Variants in C3 observed in about 807,000 individuals in gnomAD.
C3 encodes complement C3.
A neutral mutation model predicts 207.9 loss-of-function variants in C3; 97 were observed. The observed-to-expected ratio is 0.47, with a 90% CI of 0.40 to 0.55. The LOEUF (loss-of-function observed/expected upper bound fraction) is 0.55. Among genes scored for constraint, C3 ranks in the 20% least tolerant of loss-of-function variants. C3 has a pLI of 0.00. For missense variants in C3, 1,684 were observed against 2,171.7 expected, an observed-to-expected ratio of 0.78 and a Z score of 4.46; for synonymous variants, 848 against 857.6, an observed-to-expected ratio of 0.99 and a Z score of 0.20.
intron 11 of C3, 30 bp downstream of exon 11, chr19:6,712,227 A>G: frequency 6.2e-7 from 1 of 1,612,572 alleles, no homozygotes; most frequent in Non-Finnish European, 8.5e-7. Context: ...CTTCCCAGTG[A>G]TGGGGTTCCG....
At chr19:6,715,847 G>C (rs1318835583) in intron 4 of C3, among the ~76,000 whole-genome samples, 2 of 151,888 alleles carry the variant, frequency 1.3e-5, no homozygotes, top group Non-Finnish European at 2.9e-5. Context: ...GGATGGTCTC[G>C]ATCTCCTGAC....
Position 6,717,534 on chromosome 19 carries a change from GTGT to G in C3, c.504+557_504+559del, listed in dbSNP as rs555462376. ...GTGGTCGTGTATGTTGTGTGGTTGT[GTGT>G]TGTGTGGTTGTGTATGTTGTGTGTG... On this transcript the variant is annotated intron_variant, in intron 4 of 40. Coordinates refer to ENST00000245907, the MANE Select transcript of C3 (RefSeq NM_000064.4). The G allele has an allele frequency of 4.8e-5, 12 of 248,502 alleles. No homozygotes were observed. The East Asian group carries it at 5.0e-4, about 10-fold the overall frequency. 15.4% of individuals were successfully genotyped at this position (248,502 alleles called of 1,614,324 possible).
chr19:6,703,644 T>C (rs942372403), intron 17 of C3, among the ~76,000 whole-genome samples: 16 of 152,068 alleles, frequency 1.1e-4, no homozygotes, highest in African/African-American at 3.9e-4. Flanking sequence ...AGCATGTGCA[T>C]GTGGCTCTAA....
intron 27 of C3, among the ~76,000 whole-genome samples, chr19:6,687,431 C>T (rs1918038566): frequency 6.6e-6 from 1 of 152,182 alleles, no homozygotes; most frequent in African/African-American, 2.4e-5. Flanking sequence ...GATACCCACA[C>T]ATTTAATCTC....
intron 35 of C3, among the ~76,000 whole-genome samples, chr19:6,680,871 T>A (rs927421225): frequency 6.6e-6 from 1 of 151,648 alleles, no homozygotes; most frequent in Admixed American, 6.6e-5. Flanking sequence ...ATGGTAGAGA[T>A]GAAAGAGTCA....
chr19:6,699,243 C>CTTTTTTTTTTTTTTTCTT (rs58493671), intron 19 of C3, among the ~76,000 whole-genome samples: 1 of 131,278 alleles, frequency 7.6e-6, no homozygotes, highest in Non-Finnish European at 1.6e-5. Context: ...CTTTTCTTTT[C>CTTTTTTTTTTTTTTTCTT]TTTTTTTTTT....
Position 6,679,427 on chromosome 19 carries a change from T to C in C3, c.4526A>G (p.Glu1509Gly), listed in dbSNP as rs1334477793. ...CTCACCCTCAGCACAGCGGCACAGT[T>C]CATCACGGCAGAGCTTGTTCAGCTT... ...DGKLNKLCRD[E>G]LCRCAEENCF... The change falls in exon 37 of 41, where the codon GAA (glutamate) becomes GGA (glycine). Residue 1509 changes from glutamate (E) to glycine (G), a missense_variant. Transcript: ENST00000245907. 20 of 1,613,866 alleles carry C rather than the reference T, an allele frequency of 1.2e-5. No individual in the cohort carries two copies. The highest frequency in any genetic ancestry group is 1.7e-5 in the Non-Finnish European group (20 of 1,179,776).
In C3 at chr19:6,679,211, G is replaced by A; in HGVS notation, c.4547-3C>T. On this transcript the variant is annotated splice_polypyrimidine_tract_variant and splice_region_variant and intron_variant, in intron 37 of 40. Coordinates refer to ENST00000245907, the MANE Select transcript of C3 (RefSeq NM_000064.4). ...CGACTTTTGTATGAAGCAATTCTCT[G>A]CAGGGTGGGGTGGAGACAGGGTCTA... is the stretch of plus-strand genomic sequence containing the variant. 1 of 1,613,480 alleles carries A rather than the reference G, an allele frequency of 6.2e-7. No individual in the cohort carries two copies. The highest frequency in any genetic ancestry group is 8.5e-7 in the Non-Finnish European group (1 of 1,179,358).
At chr19:6,678,538 G>T in intron 38 of C3, 83 bp from the exon 39 acceptor site, 3 of 1,098,988 alleles carry the variant, frequency 2.7e-6, no homozygotes, top group Non-Finnish European at 4.1e-6. Context: ...ACCCGGGCAT[G>T]TGGCTCTCTC....
In C3 at chr19:6,720,605, C is replaced by G. The variant is rs1041396597; in HGVS notation, c.-16G>C. 3 of 1,566,392 alleles carry G rather than the reference C, an allele frequency of 1.9e-6. No homozygotes were observed. The highest frequency in any genetic ancestry group is 1.4e-5 in the African/African-American group (1 of 73,962). On this transcript the variant is annotated 5_prime_UTR_variant, in exon 1 of 41. Transcript: ENST00000245907. ...TGGGTCCCATGGTGCTGGGACAGTG[C>G]AGGGTCAGAGGGACAGAGGGACAGA...
At chr19:6,686,380 T>G in intron 28 of C3, 93 bp from the exon 29 acceptor site, 1 of 1,382,570 alleles carries the variant, frequency 7.2e-7, no homozygotes, top group Non-Finnish European at 1.0e-6. Context: ...ATGCTAGACT[T>G]CCTGGTGTTT....
intron 14 of C3, among the ~76,000 whole-genome samples, chr19:6,708,671 T>C (rs58437379): frequency 0.033 from 4,908 of 147,220 alleles, 316 homozygotes; most frequent in African/African-American, 0.12. Context: ...TCTTTTTTTT[T>C]CCTCCTTTCT....
chr19:6,706,302 C>A (rs1911605491), intron 17 of C3, among the ~76,000 whole-genome samples: 1 of 152,324 alleles, frequency 6.6e-6, no homozygotes, highest in Non-Finnish European at 1.5e-5. Context: ...CTGGGATGAC[C>A]TTCCCAGGCA....
In C3 at chr19:6,686,913, G is replaced by A. The variant is rs1435410707; in HGVS notation, c.3490-11C>T. 1 of 1,614,116 alleles carries A rather than the reference G, an allele frequency of 6.2e-7. No homozygotes were observed. The highest frequency in any genetic ancestry group is 8.5e-7 in the Non-Finnish European group (1 of 1,179,974). On this transcript the variant is annotated splice_polypyrimidine_tract_variant and intron_variant, in intron 27 of 40. Transcript: ENST00000245907. ...GCTGCCTGGCAGGCTCTATGAGAAAGAGGATCAGATTCTCCGGTCATGTGG... is the reference window on the plus strand; with the variant it reads ...GCTGCCTGGCAGGCTCTATGAGAAAAAGGATCAGATTCTCCGGTCATGTGG...
chr19:6,708,314 T>C (rs1967828634), intron 14 of C3, among the ~76,000 whole-genome samples: 1 of 152,062 alleles, frequency 6.6e-6, no homozygotes, highest in Admixed American at 6.6e-5. Context: ...TTTTTATATA[T>C]TTAGTAGAGA....
chr19:6,684,443 G>C lies in C3; in HGVS notation c.4121-4C>G. On this transcript the variant is annotated splice_region_variant and splice_polypyrimidine_tract_variant and intron_variant, in intron 32 of 40. Coordinates refer to ENST00000245907, the MANE Select transcript of C3 (RefSeq NM_000064.4). ...TTGGCATCCTGAGGCCTCTTTTCTA[G>C]AAACACAGAAGAGAGAAAGATGGGA... is the stretch of plus-strand genomic sequence containing the variant. The C allele has an allele frequency of 6.2e-7, 1 of 1,612,268 alleles. No individual in the cohort carries two copies. Among genetic ancestry groups the C allele is most frequent in the Non-Finnish European group, 8.5e-7 (1 of 1,178,262 alleles).
At chr19:6,680,798 GGGA>G (rs1568209963) in intron 35 of C3, among the ~76,000 whole-genome samples, 2 of 152,148 alleles carry the variant, frequency 1.3e-5, no homozygotes, top group African/African-American at 4.8e-5. Context: ...GGAGTTAGCA[GGGA>G]GGATATGGGG....
At chr19:6,713,057 AC>A (rs1967952636) in intron 9 of C3, 131 bp downstream of exon 9, 1 of 1,082,494 alleles carries the variant, frequency 9.2e-7, no homozygotes, top group Non-Finnish European at 1.4e-6. Context: ...GACTGGGCCT[AC>A]CCCATCAGAC....
intron 23 of C3, among the ~76,000 whole-genome samples, chr19:6,695,091 T>C (rs1336097004): frequency 1.3e-5 from 2 of 151,758 alleles, no homozygotes; most frequent in East Asian, 3.9e-4. Flanking sequence ...ACCAATATGG[T>C]GAAACACCGT....
Sources: allele counts gnomAD v4.1 joint callset (sites outside exome capture counted in the v4.1 genomes callset), GRCh38; gene constraint gnomAD v4.1.1; transcripts MANE v1.5; gene names NCBI Gene and HGNC (gene_info 2026-07-23, HGNC 2026-07-21).